SEC24B: variants seen among roughly 807,000 people sequenced by gnomAD.
SEC24B encodes the protein SEC24 homolog B, COPII component.
In SEC24B, 45 loss-of-function variants were observed where a neutral mutation model predicts 142.8. The observed-to-expected ratio is 0.32, with a 90% CI of 0.25 to 0.40. SEC24B has a LOEUF of 0.40. SEC24B is among the 10% of genes least tolerant of loss of function. The pLI is 1.00. For synonymous variants in SEC24B, 574 were observed against 568.2 expected, an observed-to-expected ratio of 1.01 and a Z score of -0.15; for missense variants, 1,409 against 1,526.8, an observed-to-expected ratio of 0.92 and a Z score of 1.29.
At chr4:109,448,443 T>C (rs1053498336) in intron 1 of SEC24B, among the ~76,000 whole-genome samples, 17 of 152,182 alleles carry the variant, frequency 1.1e-4, no homozygotes, top group Non-Finnish European at 2.2e-4. Flanking sequence ...ACAGAAGTGT[T>C]GCAAAGATAT....
chr4:109,441,507 T>G (rs1728924845), intron 1 of SEC24B, among the ~76,000 whole-genome samples: 1 of 152,222 alleles, frequency 6.6e-6, no homozygotes, highest in Non-Finnish European at 1.5e-5. Context: ...CACAGCTCAC[T>G]GCAGTCTTGA....
At chr4:109,488,959 TTTA>T (rs994188006) in intron 4 of SEC24B, among the ~76,000 whole-genome samples, 2 of 152,106 alleles carry the variant, frequency 1.3e-5, no homozygotes, top group Non-Finnish European at 2.9e-5. Context: ...TATTTGTTGT[TTTA>T]TTGTTGAGTT....
chr4:109,446,987 T>C (rs945679973), intron 1 of SEC24B, among the ~76,000 whole-genome samples: 1 of 152,226 alleles, frequency 6.6e-6, no homozygotes, highest in African/African-American at 2.4e-5. Context: ...CAGTTCCATG[T>C]GAAAAGTTCT....
intron 23 of SEC24B, 57 bp from the exon 24 acceptor site, chr4:109,539,504 G>C: frequency 3.0e-6 from 3 of 996,878 alleles, no homozygotes; most frequent in Non-Finnish European, 4.8e-6. Flanking sequence ...AGATTGCAAA[G>C]TGGTGAAATC....
rs1282182776 is a variant in SEC24B at position 109,435,607 on chromosome 4, A to G, written c.133+1605A>G. Among the ~76,000 whole-genome samples, 4 of 152,366 alleles carry G rather than the reference A, an allele frequency of 2.6e-5. No homozygotes were observed. In the East Asian group the frequency reaches 5.8e-4, roughly 22 times the overall value. ...TTTGTGAACACTCAAGAATGCCAGG[A>G]TATGTACTCAGCCAAGTGTAATCAG... is the stretch of plus-strand genomic sequence containing the variant. On this transcript the variant is annotated intron_variant, in intron 1 of 23. Coordinates refer to ENST00000265175, the MANE Select transcript of SEC24B (RefSeq NM_006323.5).
chr4:109,446,943 T>G (rs1228964770), intron 1 of SEC24B, among the ~76,000 whole-genome samples: 4 of 152,208 alleles, frequency 2.6e-5, no homozygotes, highest in African/African-American at 9.6e-5. Context: ...TAGACTGAAT[T>G]TTTTCACTTG....
chr4:109,504,915 G>A (rs188011322), intron 6 of SEC24B, among the ~76,000 whole-genome samples: 8 of 152,244 alleles, frequency 5.3e-5, no homozygotes, highest in Admixed American at 4.6e-4. Context: ...CTCCGTAGCT[G>A]TAAAAAGAAA....
At chr4:109,507,152 C>T (rs1018437553) in intron 7 of SEC24B, among the ~76,000 whole-genome samples, 2 of 152,034 alleles carry the variant, frequency 1.3e-5, no homozygotes, top group African/African-American at 4.8e-5. Flanking sequence ...GCTTTTAGTT[C>T]TGTATCCTAT....
At position 109,463,496 on chromosome 4, in the gene SEC24B, A is replaced by T; in HGVS notation, c.729A>T (p.Leu243=). 1 of 1,614,056 alleles carries T rather than the reference A, an allele frequency of 6.2e-7. No individual in the cohort carries two copies. Reference sequence around the variant, plus strand: ...GCCATCCATCGCCACTTCCACCTCTACCATCACAACAGCACCACCAGCAGC... The same window carrying T: ...GCCATCCATCGCCACTTCCACCTCTTCCATCACAACAGCACCACCAGCAGC... ...AISHPSPLPP[L]PSQQHHQQQS... is the part of the protein sequence containing the mutation. Residue 243 remains leucine (L), a synonymous_variant, in exon 2 of 24, where the codon CTA becomes CTT. Transcript: ENST00000265175.
chr4:109,514,829 C>T (rs181204101), intron 10 of SEC24B, among the ~76,000 whole-genome samples: 79 of 152,284 alleles, frequency 5.2e-4, no homozygotes, highest in Non-Finnish European at 1.6e-4. Flanking sequence ...GCGCCTGGCT[C>T]ATCTTTATTT....
intron 1 of SEC24B, among the ~76,000 whole-genome samples, chr4:109,440,204 C>T (rs1434556701): frequency 2.0e-5 from 3 of 151,298 alleles, no homozygotes; most frequent in Non-Finnish European, 4.4e-5. Context: ...TTTTTTATTG[C>T]TATATATATT....
chr4:109,511,624 C>T (rs1474914442), intron 8 of SEC24B, among the ~76,000 whole-genome samples: 1 of 152,202 alleles, frequency 6.6e-6, no homozygotes, highest in South Asian at 2.1e-4. Context: ...TCTAGTACCA[C>T]GTGCAGTCAA....
intron 1 of SEC24B, among the ~76,000 whole-genome samples, chr4:109,447,581 T>A (rs1485585304): frequency 6.6e-6 from 1 of 152,156 alleles, no homozygotes; most frequent in African/African-American, 2.4e-5. Context: ...AGTAAGCATC[T>A]TAAGTGTAGC....
chr4:109,491,215 AGAATCAG>A, intron 4 of SEC24B, 105 bp from the exon 5 acceptor site: 1 of 725,258 alleles, frequency 1.4e-6, no homozygotes, highest in East Asian at 2.6e-5. Flanking sequence ...CTTTTTTACT[AGAATCAG>A]GAATTTTCCT....
intron 19 of SEC24B, 82 bp from the exon 20 acceptor site, chr4:109,531,303 A>G (rs1480679720): frequency 2.5e-6 from 3 of 1,180,176 alleles, no homozygotes; most frequent in African/African-American, 1.5e-5. Flanking sequence ...TGCTTTTTCC[A>G]TGATTGACAG....
chr4:109,502,955 G>T (rs944296551), intron 6 of SEC24B, among the ~76,000 whole-genome samples: 5 of 151,600 alleles, frequency 3.3e-5, no homozygotes, highest in Admixed American at 3.3e-4. Context: ...TTTGTGTATT[G>T]TAATTTTCTG....
At chr4:109,456,676 G>C (rs1730728544) in intron 1 of SEC24B, among the ~76,000 whole-genome samples, 2 of 152,092 alleles carry the variant, frequency 1.3e-5, no homozygotes, top group Non-Finnish European at 2.9e-5. Flanking sequence ...TCTTAAGTCT[G>C]TTAATATGTT....
intron 19 of SEC24B, among the ~76,000 whole-genome samples, chr4:109,530,966 T>C (rs529964933): frequency 4.6e-5 from 7 of 152,074 alleles, no homozygotes; most frequent in African/African-American, 1.7e-4. Flanking sequence ...ATGATGACTT[T>C]AGTGAAACCA....
rs754125312 is a variant in SEC24B at position 109,494,663 on chromosome 4, A to C, written c.1295A>C (p.Glu432Ala). 1 of 1,614,066 alleles carries C rather than the reference A, an allele frequency of 6.2e-7. No individual in the cohort carries two copies. The highest frequency in any genetic ancestry group is 2.2e-5 in the East Asian group (1 of 44,888). ...ASSPAPDPAPEPDPASAPAPA... is the reference protein window; with the variant it reads ...ASSPAPDPAPAPDPASAPAPA... ...AGTCCTGCTCCTGATCCCGCCCCTG[A>C]ACCTGATCCTGCTTCTGCTCCAGCT... The change falls in exon 6 of 24, where the codon GAA becomes GCA. Residue 432 changes from glutamate (E) to alanine (A), a missense_variant. Glu to Ala is a moderately radical substitution (Grantham distance 107). This residue lies in a region of SEC24B where 709 missense variants were observed against 673.5 expected (regional missense o/e 1.05). Transcript: ENST00000265175.
Sources: allele counts gnomAD v4.1 joint callset (sites outside exome capture counted in the v4.1 genomes callset), GRCh38; gene constraint gnomAD v4.1.1; regional missense constraint gnomAD v4.1.1; transcripts MANE v1.5; gene names NCBI Gene and HGNC (gene_info 2026-07-23, HGNC 2026-07-21).